The following BRINP2 variants were observed in gnomAD, a reference collection of about 807,000 sequenced individuals.
BRINP2 encodes the protein BMP/retinoic acid-inducible neural-specific protein 2.
In BRINP2, 21 loss-of-function variants were observed where a neutral mutation model predicts 69.2. That is an observed-to-expected ratio of 0.30 (90% CI 0.22 to 0.44). BRINP2 has a LOEUF of 0.44. Ranked by LOEUF, BRINP2 falls within the 20% of genes least tolerant of loss-of-function variation. BRINP2 has a pLI of 1.00. For synonymous variants in BRINP2, 380 were observed against 394.1 expected (o/e 0.96, Z 0.42); for missense variants, 877 against 986.0 (o/e 0.89, Z 1.48).
At chr1:177,236,691 C>T (rs1179174740) in intron 2 of BRINP2, among the ~76,000 whole-genome samples, 2 of 152,160 alleles carry the variant, frequency 1.3e-5, no homozygotes, top group African/African-American at 4.8e-5. Flanking sequence ...TGACTGGAGA[C>T]TCCAGGTGGA....
chr1:177,256,513 A>G (rs1650763308), intron 3 of BRINP2: 1 of 985,432 alleles, frequency 1.0e-6, no homozygotes, highest in African/African-American at 1.7e-5. Context: ...CTTCCTCTCT[A>G]TAACGATTGG....
intron 7 of BRINP2, 98 bp from the exon 8 acceptor site, chr1:177,280,314 C>T (rs1558189143): frequency 8.1e-7 from 1 of 1,227,232 alleles, no homozygotes; most frequent in Non-Finnish European, 1.1e-6. Flanking sequence ...TTCCTCATTG[C>T]CTTCCACGCC....
chr1:177,194,711 C>G (rs1648689662), intron 1 of BRINP2, among the ~76,000 whole-genome samples: 1 of 152,042 alleles, frequency 6.6e-6, no homozygotes, highest in South Asian at 2.1e-4. Flanking sequence ...TTATGGGTGT[C>G]TCATACACAT....
At chr1:177,199,689 A>C (rs1648846203) in intron 1 of BRINP2, among the ~76,000 whole-genome samples, 1 of 152,194 alleles carries the variant, frequency 6.6e-6, no homozygotes, top group African/African-American at 2.4e-5. Flanking sequence ...AGGTTGAGAA[A>C]TTTGAGATTC....
chr1:177,188,391 G>GA (rs1330291739), intron 1 of BRINP2, among the ~76,000 whole-genome samples: 4 of 151,720 alleles, frequency 2.6e-5, no homozygotes, highest in African/African-American at 4.8e-5. Context: ...ACAACAACAA[G>GA]AAAAAAAACA....
intron 1 of BRINP2, among the ~76,000 whole-genome samples, chr1:177,224,148 C>G (rs558220894): frequency 6.6e-6 from 1 of 152,262 alleles, no homozygotes; most frequent in Non-Finnish European, 1.5e-5. Context: ...GGTTTTGCAT[C>G]AAGATATTGC....
chr1:177,244,708 G>A (rs1347664001), intron 2 of BRINP2, among the ~76,000 whole-genome samples: 3 of 152,092 alleles, frequency 2.0e-5, no homozygotes, highest in Non-Finnish European at 4.4e-5. Context: ...TTTGCATCAC[G>A]CTGCTGGTCT....
chr1:177,195,719 C>T (rs1648726792), intron 1 of BRINP2, among the ~76,000 whole-genome samples: 1 of 151,874 alleles, frequency 6.6e-6, no homozygotes, highest in Non-Finnish European at 1.5e-5. Flanking sequence ...CTTGGGATGT[C>T]AAGGGGCAAA....
chr1:177,201,943 C>T (rs1571895188), intron 1 of BRINP2, among the ~76,000 whole-genome samples: 3 of 151,968 alleles, frequency 2.0e-5, no homozygotes, highest in Non-Finnish European at 4.4e-5. Context: ...GTGTATGTGT[C>T]GAGGAATTTA....
In BRINP2 at chr1:177,280,766, C is replaced by T. The variant is rs543200445; in HGVS notation, c.1590C>T (p.Ile530=). ...ATAGCCGCATTGAGGTACACTCCAT[C>T]TTCATCAGCAATGACATGCGGCTGG... ...KQDSRIEVHS[I]FISNDMRLGS... Residue 530 remains isoleucine, a synonymous_variant, in exon 8 of 8, where the codon ATC becomes ATT. Coordinates refer to ENST00000361539, the MANE Select transcript of BRINP2 (RefSeq NM_021165.4). The T allele has an allele frequency of 6.2e-7, 1 of 1,614,192 alleles. No homozygotes were observed. Among genetic ancestry groups the T allele is most frequent in the Non-Finnish European group, 8.5e-7 (1 of 1,180,022 alleles).
At position 177,240,557 on chromosome 1, in the gene BRINP2, G is replaced by C. The variant is rs551684136; in HGVS notation, c.269+10412G>C. On this transcript the variant is annotated intron_variant, in intron 2 of 7. Coordinates refer to ENST00000361539, the MANE Select transcript of BRINP2 (RefSeq NM_021165.4). ...GAGTCGAGAGGAAAAGAGGCTGTGA[G>C]AGTCCCTGAATGTTGGCCTGGTTCA... Among the ~76,000 whole-genome samples the C allele has an allele frequency of 3.6e-3, 541 of 152,294 alleles. 2 individuals are homozygous for C. Among genetic ancestry groups the C allele is most frequent in the African/African-American group, 9.8e-3 (409 of 41,554 alleles).
At chr1:177,276,458 G>T (rs778165895) in intron 6 of BRINP2, 24 bp downstream of exon 6, 1 of 1,601,420 alleles carries the variant, frequency 6.2e-7, no homozygotes, top group East Asian at 2.2e-5. Context: ...ATTCCTCCCT[G>T]TCAATGAGAG....
intron 1 of BRINP2, among the ~76,000 whole-genome samples, chr1:177,185,040 AT>A (rs1291591737): frequency 6.6e-6 from 1 of 152,160 alleles, no homozygotes; most frequent in Admixed American, 6.5e-5. Flanking sequence ...TACAGACCGC[AT>A]TTTGAGAAAT....
At chr1:177,214,136 G>A (rs1319673146) in intron 1 of BRINP2, among the ~76,000 whole-genome samples, 1 of 152,098 alleles carries the variant, frequency 6.6e-6, no homozygotes, top group Admixed American at 6.5e-5. Context: ...AAAACTTGAT[G>A]TTAAAGAATT....
At chr1:177,279,146 T>C (rs1023056047) in intron 7 of BRINP2, among the ~76,000 whole-genome samples, 2 of 152,190 alleles carry the variant, frequency 1.3e-5, no homozygotes, top group Admixed American at 1.3e-4. Flanking sequence ...CACTGGCTTG[T>C]GTCAAACAAA....
At chr1:177,275,011 T>C in intron 5 of BRINP2, 1 of 421,148 alleles carries the variant, frequency 2.4e-6, no homozygotes, top group South Asian at 1.7e-5. Flanking sequence ...AATAAAGAGC[T>C]GGCAGACGTT....
At chr1:177,233,737 G>T (rs1017277103) in intron 2 of BRINP2, among the ~76,000 whole-genome samples, 2 of 152,184 alleles carry the variant, frequency 1.3e-5, no homozygotes, top group African/African-American at 4.8e-5. Flanking sequence ...GAGCAAGATG[G>T]TTTCCAGCAT....
chr1:177,249,538 C>T lies in BRINP2; in HGVS notation c.270-6381C>T, dbSNP rs1408291546. ...CTCAGACTGTTTACTGTGTAACAAA[C>T]ACAGTGGGAGAAGATTTTAGGAGAA... On this transcript the variant is annotated intron_variant, in intron 2 of 7. Coordinates refer to ENST00000361539, the MANE Select transcript of BRINP2 (RefSeq NM_021165.4). Among the ~76,000 whole-genome samples the T allele has an allele frequency of 3.9e-5, 6 of 152,248 alleles. No individual in the cohort carries two copies. The South Asian group carries it at 1.2e-3, about 32-fold the overall frequency.
intron 1 of BRINP2, among the ~76,000 whole-genome samples, chr1:177,209,741 A>G (rs1463170217): frequency 6.6e-6 from 1 of 152,152 alleles, no homozygotes; most frequent in African/African-American, 2.4e-5. Context: ...GGTCTCACTC[A>G]GAGTCTTATA....
Sources: gnomAD v4.1 joint callset for allele counts (sites outside exome capture counted in the v4.1 genomes callset) on GRCh38, gnomAD v4.1.1 for gene constraint, MANE v1.5 for transcripts, NCBI Gene and HGNC (gene_info 2026-07-23, HGNC 2026-07-21) for gene names.